The following FGF13 variants were observed in gnomAD, a reference collection of about 807,000 sequenced individuals.
FGF13 encodes the protein fibroblast growth factor homologous factor 2.
A neutral mutation model predicts 19.5 loss-of-function variants in FGF13; 2 were observed. The ratio of observed to expected loss-of-function variants is 0.10; its 90% confidence interval spans 0.04 to 0.32. FGF13 has a LOEUF of 0.32. Among genes scored for constraint, FGF13 ranks in the 10% least tolerant of loss-of-function variants. The probability of loss-of-function intolerance (pLI) is 1.00; values close to 1 mark genes in which losing one functional copy is unlikely to be tolerated. For missense variants in FGF13, 113 were observed against 192.7 expected, an observed-to-expected ratio of 0.59 and a Z score of 2.45; for synonymous variants, 72 against 76.9, an observed-to-expected ratio of 0.94 and a Z score of 0.33.
chrX:139,147,815 G>A (rs2148244888), intron 1 of FGF13, among the ~76,000 whole-genome samples: 1 of 109,991 alleles, frequency 9.1e-6, no homozygotes, highest in South Asian at 3.8e-4. Flanking sequence ...AATTAAGTAT[G>A]ACCTTGTATT....
At chrX:138,702,195 A>AAATTAATT (rs889253415) in intron 3 of FGF13, among the ~76,000 whole-genome samples, 1 of 105,191 alleles carries the variant, frequency 9.5e-6, no homozygotes, top group African/African-American at 3.5e-5. Flanking sequence ...ATAAATAAAT[A>AAATTAATT]AATTAATTAA....
chrX:139,002,838 G>A (rs1936933612), intron 1 of FGF13, among the ~76,000 whole-genome samples: 1 of 111,707 alleles, frequency 9.0e-6, no homozygotes, highest in Non-Finnish European at 1.9e-5. Context: ...ACCATGTGCT[G>A]ACTAAAGAGC....
At chrX:139,031,712 C>CAA (rs373666313) in intron 1 of FGF13, among the ~76,000 whole-genome samples, 10 of 74,560 alleles carry the variant, frequency 1.3e-4, no homozygotes, top group Non-Finnish European at 1.9e-4. Context: ...AGATCGGGGT[C>CAA]AAAAAAAAAA....
At chrX:138,811,871 T>C (rs1482570975) in intron 3 of FGF13, among the ~76,000 whole-genome samples, 5 of 110,723 alleles carry the variant, frequency 4.5e-5, no homozygotes, top group African/African-American at 3.3e-5. Context: ...TGTCGTTCCC[T>C]CATCCCCAAT....
At chrX:138,772,047 T>C (rs1034860216) in intron 3 of FGF13, among the ~76,000 whole-genome samples, 1 of 87,818 alleles carries the variant, frequency 1.1e-5, no homozygotes, top group African/African-American at 4.4e-5. Flanking sequence ...TATATATATA[T>C]ATATATATAT....
At chrX:138,639,693 C>A (rs762987970) in intron 3 of FGF13, among the ~76,000 whole-genome samples, 19 of 111,651 alleles carry the variant, frequency 1.7e-4, no homozygotes, top group African/African-American at 5.5e-4. Context: ...TCAGTGAATA[C>A]TGAACCTTTT....
intron 1 of FGF13, among the ~76,000 whole-genome samples, chrX:139,013,237 G>A (rs770557710): frequency 2.5e-4 from 27 of 109,450 alleles, no homozygotes; most frequent in African/African-American, 6.7e-4. Flanking sequence ...CAATTACACC[G>A]TTGGAGGGAA....
chrX:138,834,314 C>A (rs926832627), intron 3 of FGF13, among the ~76,000 whole-genome samples: 1 of 111,409 alleles, frequency 9.0e-6, no homozygotes, highest in Non-Finnish European at 1.9e-5. Flanking sequence ...CTATTAATGC[C>A]TCAATTTCGG....
intron 1 of FGF13, among the ~76,000 whole-genome samples, chrX:138,872,872 G>C (rs995685111): frequency 9.0e-6 from 1 of 111,342 alleles, no homozygotes; most frequent in Non-Finnish European, 1.9e-5. Context: ...CCTTAAGTTT[G>C]TAGGGGGAGG....
At chrX:138,695,751 A>C (rs2089889853) in intron 3 of FGF13, among the ~76,000 whole-genome samples, 1 of 112,309 alleles carries the variant, frequency 8.9e-6, no homozygotes, top group African/African-American at 3.2e-5. Flanking sequence ...GACTATAAGT[A>C]CATATTTGCT....
At chrX:138,931,218 G>A (rs1379763373) in intron 1 of FGF13, among the ~76,000 whole-genome samples, 1 of 110,855 alleles carries the variant, frequency 9.0e-6, no homozygotes, top group Non-Finnish European at 1.9e-5. Context: ...AGCAGACTTG[G>A]TCCTTTACTG....
rs1366713308 is a variant in FGF13, at chrX:138,711,085, C to G, written c.-82G>C. On this transcript the variant is annotated 5_prime_UTR_variant, in exon 1 of 5. Transcript: ENST00000315930. ...TCCTCCTTCTCCTCCGCTGCTTGTC[C>G]GCTGTCTCGCGACTTCGCCGCTTTG... The G allele has an allele frequency of 8.6e-7, 1 of 1,166,767 alleles. No homozygotes were observed. The highest frequency in any genetic ancestry group is 1.8e-5 in the African/African-American group (1 of 56,382).
At chrX:139,073,138 C>A (rs1047021853) in intron 1 of FGF13, among the ~76,000 whole-genome samples, 5 of 103,493 alleles carry the variant, frequency 4.8e-5, no homozygotes, top group African/African-American at 1.7e-4. Context: ...GTTTTTCCCC[C>A]CCCCCTTTTC....
At chrX:138,905,798 C>T (rs1355465206) in intron 1 of FGF13, among the ~76,000 whole-genome samples, 1 of 111,838 alleles carries the variant, frequency 8.9e-6, no homozygotes, top group Admixed American at 9.5e-5. Context: ...TCAGAATAGC[C>T]ATTAATCCTT....
At chrX:139,045,309 C>T (rs969615499) in intron 1 of FGF13, among the ~76,000 whole-genome samples, 3 of 112,290 alleles carry the variant, frequency 2.7e-5, no homozygotes, top group African/African-American at 9.7e-5. Context: ...GAATCCATTC[C>T]ATTCTCCCAG....
chrX:139,129,029 G>T (rs1266629258), intron 1 of FGF13, among the ~76,000 whole-genome samples: 1 of 107,677 alleles, frequency 9.3e-6, no homozygotes, highest in African/African-American at 3.4e-5. Context: ...TGTGGTGGTG[G>T]GGGAGGGGGG....
chrX:138,751,720 G>A (rs754614449), intron 3 of FGF13, among the ~76,000 whole-genome samples: 38 of 111,607 alleles, frequency 3.4e-4, no homozygotes, highest in Admixed American at 1.3e-3. Flanking sequence ...GGAATGCATC[G>A]TATCAACTGG....
chrX:138,658,552 A>G (rs2089458736), intron 3 of FGF13, among the ~76,000 whole-genome samples: 1 of 112,433 alleles, frequency 8.9e-6, no homozygotes, highest in Non-Finnish European at 1.9e-5. Context: ...ATTCTTATAT[A>G]ATAGTACGGA....
At chrX:138,868,900 G>A (rs1384920302) in intron 1 of FGF13, among the ~76,000 whole-genome samples, 1 of 110,657 alleles carries the variant, frequency 9.0e-6, no homozygotes, top group Non-Finnish European at 1.9e-5. Context: ...CCTGCCTCAC[G>A]AAGACCCCAC....
Sources: gnomAD v4.1 joint callset for allele counts (sites outside exome capture counted in the v4.1 genomes callset) on GRCh38, gnomAD v4.1.1 for gene constraint, MANE v1.5 for transcripts, NCBI Gene and HGNC (gene_info 2026-07-23, HGNC 2026-07-21) for gene names.